The following PHF14 variants were observed in gnomAD, a reference collection of about 807,000 sequenced individuals.
PHF14 encodes PHD finger protein 14.
A neutral mutation model predicts 117.9 loss-of-function variants in PHF14; 55 were observed. The observed-to-expected ratio is 0.47, with a 90% CI of 0.38 to 0.58. PHF14 has a LOEUF of 0.58. Among genes scored for constraint, PHF14 ranks in the 20% least tolerant of loss-of-function variants. PHF14 has a pLI of 0.00. For synonymous variants in PHF14, 409 were observed against 368.6 expected (o/e 1.11, Z -1.26); for missense variants, 978 against 1,122.2 (o/e 0.87, Z 1.84).
chr7:11,084,124 C>T (rs945532316), intron 16 of PHF14, among the ~76,000 whole-genome samples: 2 of 152,110 alleles, frequency 1.3e-5, no homozygotes, highest in Non-Finnish European at 2.9e-5. Flanking sequence ...AGAACTTAAA[C>T]TTCAAAGTAT....
intron 17 of PHF14, among the ~76,000 whole-genome samples, chr7:11,128,423 G>T (rs1787996829): frequency 6.6e-6 from 1 of 151,820 alleles, no homozygotes; most frequent in South Asian, 2.1e-4. Flanking sequence ...GAAAATAAAA[G>T]TGCCACTACC....
chr7:11,157,857 T>C (rs1788912247), intron 17 of PHF14, among the ~76,000 whole-genome samples: 1 of 152,162 alleles, frequency 6.6e-6, no homozygotes, highest in African/African-American at 2.4e-5. Context: ...TCTGATTGCC[T>C]CTGCACATTA....
intron 17 of PHF14, among the ~76,000 whole-genome samples, chr7:11,123,342 T>C (rs1403188339): frequency 6.6e-6 from 1 of 152,220 alleles, no homozygotes; most frequent in African/African-American, 2.4e-5. Flanking sequence ...TTTCCTCTTA[T>C]AGTCTCCTTT....
rs1319300661 is a variant in PHF14 at position 11,067,592 on chromosome 7, G to A, written c.2654+5507G>A. 3.9e-5 allele frequency among the ~76,000 whole-genome samples: 6 copies of A among 152,308 alleles called. 1 individual carries two copies. The highest frequency in any genetic ancestry group is 1.3e-4 in the Admixed American group (2 of 15,300). ...TGATGGATTAAAGGATAAACAAAAT[G>A]TAGTGTATATATGTATATTCTCTTA... On this transcript the variant is annotated intron_variant, in intron 16 of 17. Transcript: ENST00000634607.
intron 17 of PHF14, among the ~76,000 whole-genome samples, chr7:11,152,858 A>G (rs1210267523): frequency 6.6e-6 from 1 of 152,234 alleles, no homozygotes; most frequent in Non-Finnish European, 1.5e-5. Context: ...GCCATACAAA[A>G]TAAAAGTCAG....
chr7:11,165,930 C>T (rs1291699509), intron 17 of PHF14, among the ~76,000 whole-genome samples: 1 of 152,110 alleles, frequency 6.6e-6, no homozygotes, highest in African/African-American at 2.4e-5. Flanking sequence ...AGTATCAGCC[C>T]ATTATTAAAT....
At chr7:11,068,883 G>C (rs972835396) in intron 16 of PHF14, among the ~76,000 whole-genome samples, 3 of 152,034 alleles carry the variant, frequency 2.0e-5, no homozygotes, top group Non-Finnish European at 4.4e-5. Context: ...CAGATACTCA[G>C]ATAGTCTTTA....
intron 4 of PHF14, among the ~76,000 whole-genome samples, chr7:10,992,608 A>G (rs1313691529): frequency 6.6e-6 from 1 of 152,042 alleles, no homozygotes; most frequent in African/African-American, 2.4e-5. Context: ...GGTTGCAGTG[A>G]GCCGAGATGG....
intron 4 of PHF14, among the ~76,000 whole-genome samples, chr7:10,995,009 G>A (rs187982471): frequency 6.6e-6 from 1 of 152,132 alleles, no homozygotes; most frequent in Non-Finnish European, 1.5e-5. Context: ...GAGCTGATTG[G>A]TCTGTTTTGA....
intron 3 of PHF14, among the ~76,000 whole-genome samples, chr7:10,985,638 GTTTTTTTTTTTTT>G (rs61250143): frequency 6.3e-3 from 291 of 45,964 alleles, no homozygotes; most frequent in Admixed American, 8.0e-3. Flanking sequence ...TTCTCAAACT[GTTTTTTTTTTTTT>G]TTTTTTTTTT....
At chr7:11,083,802 A>G (rs1786266076) in intron 16 of PHF14, among the ~76,000 whole-genome samples, 1 of 152,140 alleles carries the variant, frequency 6.6e-6, no homozygotes, top group Non-Finnish European at 1.5e-5. Flanking sequence ...TATTTGGGAT[A>G]GAATCACTTA....
At chr7:11,095,355 C>A (rs1786807152) in intron 16 of PHF14, among the ~76,000 whole-genome samples, 1 of 152,196 alleles carries the variant, frequency 6.6e-6, no homozygotes, top group Non-Finnish European at 1.5e-5. Flanking sequence ...AGTCCAGGAA[C>A]TACTTCTCCA....
chr7:11,011,191 T>G lies in PHF14; in HGVS notation c.1046-2556T>G, dbSNP rs1783344404. Among the ~76,000 whole-genome samples, 3 of 152,378 alleles carry G rather than the reference T, an allele frequency of 2.0e-5. No individual in the cohort carries two copies. The South Asian group carries it at 6.2e-4, about 32-fold the overall frequency. On this transcript the variant is annotated intron_variant, in intron 4 of 17. Coordinates refer to ENST00000634607, the MANE Select transcript of PHF14 (RefSeq NM_001007157.2). ...ACGTCTAGTTAATTAATGTTGGTAATTTAAAATTATTTACTAATTGTATAT... is the reference window on the plus strand; with the variant it reads ...ACGTCTAGTTAATTAATGTTGGTAAGTTAAAATTATTTACTAATTGTATAT...
At chr7:11,085,132 A>G (rs2128337311) in intron 16 of PHF14, among the ~76,000 whole-genome samples, 1 of 152,300 alleles carries the variant, frequency 6.6e-6, no homozygotes, top group African/African-American at 2.4e-5. Flanking sequence ...GATATATATT[A>G]TTTAGGCAGG....
chr7:11,030,981 C>G (rs113140412), intron 7 of PHF14, among the ~76,000 whole-genome samples: 9,038 of 152,190 alleles, frequency 0.059, 353 homozygotes, highest in Non-Finnish European at 0.084. Context: ...TTGTCTATTT[C>G]TAGATGGTTG....
rs191145911 is a variant in PHF14 at position 11,034,605 on chromosome 7, G to A, written c.1456-1035G>A. Among the ~76,000 whole-genome samples, 22 of 128,110 alleles carry A rather than the reference G, an allele frequency of 1.7e-4. 2 individuals carry two copies. The highest frequency in any genetic ancestry group is 6.3e-4 in the African/African-American group (21 of 33,122). 84.0% of individuals were successfully genotyped at this position (128,110 alleles called of 152,430 possible). ...GCTCTGTCACCCAGGCTGGAGTGCA[G>A]TGGCGCGATCTCGGTTAATTACAAC... On this transcript the variant is annotated intron_variant, in intron 7 of 17. Coordinates refer to ENST00000634607, the MANE Select transcript of PHF14 (RefSeq NM_001007157.2).
Position 11,003,021 on chromosome 7 carries a change from A to G in PHF14, c.1046-10726A>G, listed in dbSNP as rs961061652. 3.3e-5 allele frequency among the ~76,000 whole-genome samples: 5 copies of G among 151,518 alleles called. No individual in the cohort carries two copies. In the East Asian group the frequency reaches 7.9e-4, roughly 24 times the overall value. On this transcript the variant is annotated intron_variant, in intron 4 of 17. Transcript: ENST00000634607. Reference sequence around the variant, plus strand: ...GAGTGCAGTGGCATGATCTCCGCTCACTGTCGCCTCCCAGCTTCAAGGAAT... The same window carrying G: ...GAGTGCAGTGGCATGATCTCCGCTCGCTGTCGCCTCCCAGCTTCAAGGAAT...
At chr7:11,005,574 T>C (rs1486219594) in intron 4 of PHF14, among the ~76,000 whole-genome samples, 1 of 152,216 alleles carries the variant, frequency 6.6e-6, no homozygotes, top group Admixed American at 6.5e-5. Context: ...TTTCTACAAC[T>C]TGCTTTGTTT....
chr7:11,092,947 G>GC (rs990873561), intron 16 of PHF14, among the ~76,000 whole-genome samples: 5 of 152,090 alleles, frequency 3.3e-5, no homozygotes, highest in African/African-American at 7.2e-5. Flanking sequence ...GATTGGCATG[G>GC]CAACGTTCTA....
Sources: allele counts gnomAD v4.1 joint callset (sites outside exome capture counted in the v4.1 genomes callset), GRCh38; gene constraint gnomAD v4.1.1; transcripts MANE v1.5; gene names NCBI Gene and HGNC (gene_info 2026-07-23, HGNC 2026-07-21).